The following SUCO variants were observed in gnomAD, a reference collection of about 807,000 sequenced individuals.
SUCO encodes the protein SUN domain containing ossification factor.
In SUCO, 57 loss-of-function variants were observed where a neutral mutation model predicts 148.1. The observed-to-expected ratio is 0.38, with a 90% CI of 0.31 to 0.48. The LOEUF (loss-of-function observed/expected upper bound fraction) is 0.48, where lower values mean the gene tolerates loss of function less well. Among genes scored for constraint, SUCO ranks in the 20% least tolerant of loss-of-function variants. The pLI is 0.96. For synonymous variants in SUCO, 470 were observed against 502.7 expected, an observed-to-expected ratio of 0.93 and a Z score of 0.87; for missense variants, 1,331 against 1,468.2, an observed-to-expected ratio of 0.91 and a Z score of 1.53.
chr1:172,585,098 T>C lies in SUCO; in HGVS notation c.1567+12T>C. ...AGACCTGACAGAAGGTACCTAATCATTTTATGGGTCTTTTAAATAGCTGGT... is the reference window on the plus strand; with the variant it reads ...AGACCTGACAGAAGGTACCTAATCACTTTATGGGTCTTTTAAATAGCTGGT... On this transcript the variant is annotated intron_variant, in intron 16 of 23. Transcript: ENST00000263688. 6.3e-7 allele frequency: 1 copy of C among 1,583,028 alleles called. No homozygotes were observed. Among genetic ancestry groups the C allele is most frequent in the Non-Finnish European group, 8.6e-7 (1 of 1,160,416 alleles).
chr1:172,533,892 C>T (rs529627583), intron 1 of SUCO, among the ~76,000 whole-genome samples: 1 of 152,224 alleles, frequency 6.6e-6, no homozygotes, highest in South Asian at 2.1e-4. Context: ...TAAAGCACGT[C>T]GGATGTGATG....
At chr1:172,592,555 T>C (rs1191402971) in intron 19 of SUCO, among the ~76,000 whole-genome samples, 2 of 152,226 alleles carry the variant, frequency 1.3e-5, no homozygotes, top group Non-Finnish European at 2.9e-5. Context: ...ATTTCTTGTT[T>C]TGGTCAGGTT....
At chr1:172,566,275 T>C (rs1195964940) in intron 6 of SUCO, among the ~76,000 whole-genome samples, 1 of 152,282 alleles carries the variant, frequency 6.6e-6, no homozygotes, top group African/African-American at 2.4e-5. Context: ...TTTTGTTAAC[T>C]GCTGTCTCTC....
chr1:172,589,721 G>C lies in SUCO; in HGVS notation c.2620G>C (p.Asp874His), dbSNP rs1271683082. Residue 874 changes from aspartate to histidine, a missense_variant, in exon 18 of 24, where the codon GAT becomes CAT. Around this residue, in one of 3 missense-constraint regions of SUCO, gnomAD observed 992 missense variants for 1,093.5 expected, o/e 0.91. Coordinates refer to ENST00000263688, the MANE Select transcript of SUCO (RefSeq NM_014283.5). ...EVKEEEQSPE[D>H]ALLRGLQRTA... ...AAAAGAAGAAGAACAGTCTCCAGAA[G>C]ATGCCCTTTTGAGAGGGTTACAGAG... 6.2e-7 allele frequency: 1 copy of C among 1,613,490 alleles called. No homozygotes were observed. The highest frequency in any genetic ancestry group is 1.3e-5 in the African/African-American group (1 of 74,896).
chr1:172,574,813 C>T (rs1655310385), intron 10 of SUCO: 1 of 834,330 alleles, frequency 1.2e-6, no homozygotes, highest in Non-Finnish European at 1.4e-6. Context: ...CTTCCTCCAC[C>T]TCACACTCAG....
intron 19 of SUCO, among the ~76,000 whole-genome samples, chr1:172,592,558 G>A (rs1280094559): frequency 2.0e-5 from 3 of 151,984 alleles, no homozygotes; most frequent in Non-Finnish European, 4.4e-5. Flanking sequence ...TCTTGTTTTG[G>A]TCAGGTTTGT....
chr1:172,552,862 G>A (rs1232612891), intron 2 of SUCO, among the ~76,000 whole-genome samples: 2 of 151,900 alleles, frequency 1.3e-5, no homozygotes, highest in Non-Finnish European at 2.9e-5. Flanking sequence ...GAACTTTTAT[G>A]AAAATTACAC....
At chr1:172,587,199 A>G (rs1331991739) in intron 17 of SUCO, among the ~76,000 whole-genome samples, 2 of 152,040 alleles carry the variant, frequency 1.3e-5, no homozygotes, top group East Asian at 3.8e-4. Flanking sequence ...ATATTTTTGC[A>G]TAATTTCTTA....
At chr1:172,547,680 C>A (rs1367516469) in intron 1 of SUCO, among the ~76,000 whole-genome samples, 1 of 152,120 alleles carries the variant, frequency 6.6e-6, no homozygotes, top group Non-Finnish European at 1.5e-5. Flanking sequence ...ACTGAATAGA[C>A]ATGACAAATG....
chr1:172,588,966 C>T lies in SUCO; in HGVS notation c.1865C>T (p.Thr622Ile), dbSNP rs1656424689. ...CAAATATTTTGCAGTGAACTGACCA[C>T]AATTTGTTGTATTTCTAGTTTTTCA... is the stretch of plus-strand genomic sequence containing the variant. The part of the protein sequence containing the change: ...ETQIFCSELT[T>I]ICCISSFSEY... Residue 622 changes from threonine (T) to isoleucine (I), a missense_variant, in exon 18 of 24, where the codon ACA (threonine) becomes ATA (isoleucine). Transcript: ENST00000263688. 2 of 1,610,018 alleles carry T rather than the reference C, an allele frequency of 1.2e-6. No individual in the cohort carries two copies. Among genetic ancestry groups the T allele is most frequent in the East Asian group, 4.5e-5 (2 of 44,850 alleles).
intron 22 of SUCO, among the ~76,000 whole-genome samples, chr1:172,604,934 T>A (rs930344768): frequency 1.6e-4 from 25 of 151,864 alleles, no homozygotes; most frequent in Admixed American, 1.6e-3. Context: ...AAGTGGACAT[T>A]TGGATTGCTT....
intron 20 of SUCO, 131 bp from the exon 21 acceptor site, chr1:172,601,933 C>A (rs1657555740): frequency 4.8e-6 from 4 of 829,084 alleles, no homozygotes; most frequent in South Asian, 5.7e-5. Context: ...AAAGAGCATG[C>A]CCTGCATTTC....
chr1:172,600,191 C>G (rs762259512), intron 20 of SUCO, 23 bp downstream of exon 20: 3 of 1,519,192 alleles, frequency 2.0e-6, no homozygotes, highest in Admixed American at 3.5e-5. Flanking sequence ...GCTGGTATTG[C>G]GAGACCCAAT....
chr1:172,579,385 A>G (rs1380482501), intron 15 of SUCO, 118 bp downstream of exon 15: 17 of 585,532 alleles, frequency 2.9e-5, no homozygotes, highest in Non-Finnish European at 4.6e-5. Context: ...GAGTTGAAAT[A>G]AAAGATACTG....
intron 22 of SUCO, among the ~76,000 whole-genome samples, chr1:172,606,293 T>C (rs965360193): frequency 7.3e-5 from 11 of 151,544 alleles, no homozygotes; most frequent in South Asian, 6.2e-4. Context: ...TTTTTTTTTT[T>C]CCCCTTCCAT....
chr1:172,582,661 CAT>C (rs1240446041), intron 15 of SUCO, among the ~76,000 whole-genome samples: 3 of 152,038 alleles, frequency 2.0e-5, no homozygotes, highest in African/African-American at 7.2e-5. Context: ...TACAAACTAT[CAT>C]GTGTTTAGAT....
chr1:172,573,246 T>C (rs1655180192), intron 9 of SUCO, among the ~76,000 whole-genome samples: 1 of 152,198 alleles, frequency 6.6e-6, no homozygotes, highest in South Asian at 2.1e-4. Flanking sequence ...CAATTACAGA[T>C]CTGCTTTCTG....
chr1:172,560,075 T>C (rs1018887827), intron 6 of SUCO, among the ~76,000 whole-genome samples: 1 of 152,124 alleles, frequency 6.6e-6, no homozygotes, highest in African/African-American at 2.4e-5. Flanking sequence ...TGAGTGAAAA[T>C]CTTTGGATAA....
At chr1:172,545,365 GTA>G (rs1652778866) in intron 1 of SUCO, among the ~76,000 whole-genome samples, 2 of 152,150 alleles carry the variant, frequency 1.3e-5, no homozygotes. Context: ...AACCATGAGA[GTA>G]CGTAAGTCTC....
Sources: allele counts gnomAD v4.1 joint callset (sites outside exome capture counted in the v4.1 genomes callset), GRCh38; gene constraint gnomAD v4.1.1; regional missense constraint gnomAD v4.1.1; transcripts MANE v1.5; gene names NCBI Gene and HGNC (gene_info 2026-07-23, HGNC 2026-07-21).